The following TENM3 variants were observed in gnomAD, a reference collection of about 807,000 sequenced individuals.
TENM3 encodes the protein teneurin-3.
In TENM3, 63 loss-of-function variants were observed where a neutral mutation model predicts 255.1. The ratio of observed to expected loss-of-function variants is 0.25; its 90% CI spans 0.20 to 0.30. The LOEUF is 0.30. TENM3 is among the 10% of genes least tolerant of loss of function. The probability of loss-of-function intolerance (pLI) is 1.00; values close to 1 mark genes in which losing one functional copy is unlikely to be tolerated. For missense variants in TENM3, 2,929 were observed against 3,461.1 expected, an observed-to-expected ratio of 0.85 and a Z score of 3.86; for synonymous variants, 1,306 against 1,322.3, an observed-to-expected ratio of 0.99 and a Z score of 0.27.
chr4:182,006,487 CT>C, the TENM3 span, among the ~76,000 whole-genome samples: 1 of 152,114 alleles, frequency 6.6e-6, no homozygotes, highest in Non-Finnish European at 1.5e-5. Flanking sequence ...TTATACATTT[CT>C]TCTAGATTTT....
At chr4:182,223,828 A>T (rs1167435139) in intron 1 of TENM3, among the ~76,000 whole-genome samples, 1 of 150,178 alleles carries the variant, frequency 6.7e-6, no homozygotes, top group Non-Finnish European at 1.5e-5. Flanking sequence ...GTAAATTATT[A>T]GTACTTCTAT....
chr4:182,709,472 G>C (rs926766122), intron 12 of TENM3, among the ~76,000 whole-genome samples: 1 of 151,924 alleles, frequency 6.6e-6, no homozygotes, highest in African/African-American at 2.4e-5. Context: ...GCAATTGTTA[G>C]GTACATTAAT....
intron 3 of TENM3, among the ~76,000 whole-genome samples, chr4:182,353,975 A>T (rs1765360412): frequency 6.6e-6 from 1 of 152,098 alleles, no homozygotes; most frequent in Admixed American, 6.5e-5. Flanking sequence ...GGAAAAAAAA[A>T]AAAAAAGTTA....
At chr4:182,042,636 A>G in the TENM3 span, among the ~76,000 whole-genome samples, 1 of 152,242 alleles carries the variant, frequency 6.6e-6, no homozygotes, top group Non-Finnish European at 1.5e-5. Context: ...ATTATAAAAT[A>G]CGAATATGTA....
chr4:182,493,180 C>T (rs1288516002), intron 3 of TENM3, among the ~76,000 whole-genome samples: 1 of 152,078 alleles, frequency 6.6e-6, no homozygotes, highest in Admixed American at 6.6e-5. Context: ...CTTTGATCAT[C>T]AAGCAGTTTC....
chr4:182,271,373 G>A (rs895981548), intron 1 of TENM3, among the ~76,000 whole-genome samples: 1 of 152,112 alleles, frequency 6.6e-6, no homozygotes, highest in African/African-American at 2.4e-5. Flanking sequence ...AATTGCATAG[G>A]AAACAAAAGC....
the TENM3 span, among the ~76,000 whole-genome samples, chr4:181,538,010 T>A: frequency 2.0e-5 from 3 of 152,200 alleles, no homozygotes; most frequent in Non-Finnish European, 2.9e-5. Flanking sequence ...CTTATTGATA[T>A]ATTTGGTGAA....
the TENM3 span, among the ~76,000 whole-genome samples, chr4:182,019,799 G>A: frequency 6.6e-6 from 1 of 151,974 alleles, no homozygotes; most frequent in African/African-American, 2.4e-5. Flanking sequence ...CAAGTAGCTG[G>A]GACTACAGGC....
chr4:182,346,572 T>G, intron 2 of TENM3, 79 bp from the exon 3 acceptor site: 2 of 1,104,624 alleles, frequency 1.8e-6, no homozygotes, highest in South Asian at 1.7e-5. Context: ...TGAAAGACAT[T>G]CTTAAAAAAA....
At chr4:181,905,102 C>G in the TENM3 span, among the ~76,000 whole-genome samples, 1 of 152,324 alleles carries the variant, frequency 6.6e-6, no homozygotes, top group Non-Finnish European at 1.5e-5. Context: ...TGCCCGGTCT[C>G]AGATATGTCT....
the TENM3 span, among the ~76,000 whole-genome samples, chr4:181,668,767 C>T: frequency 8.1e-4 from 124 of 152,216 alleles, no homozygotes; most frequent in Middle Eastern, 3.4e-3. Context: ...ACAATCCAAC[C>T]CACAAGCATT....
At chr4:182,487,140 A>AGTGG (rs1734831840) in intron 3 of TENM3, among the ~76,000 whole-genome samples, 1 of 152,152 alleles carries the variant, frequency 6.6e-6, no homozygotes, top group Admixed American at 6.5e-5. Flanking sequence ...GTGAGTCACC[A>AGTGG]GAGTGTGGGA....
At chr4:181,563,650 A>C in the TENM3 span, among the ~76,000 whole-genome samples, 26,305 of 152,116 alleles carry the variant, frequency 0.17, 2,712 homozygotes, top group African/African-American at 0.27. Flanking sequence ...TTTAATCCTG[A>C]ATTTGAGATG....
the TENM3 span, among the ~76,000 whole-genome samples, chr4:181,895,199 C>G: frequency 2.0e-5 from 3 of 151,942 alleles, no homozygotes; most frequent in Non-Finnish European, 2.9e-5. Context: ...CATTCCCTGT[C>G]AGTGGAAATA....
the TENM3 span, among the ~76,000 whole-genome samples, chr4:182,115,276 T>C: frequency 9.2e-5 from 14 of 152,188 alleles, no homozygotes; most frequent in African/African-American, 3.1e-4. Flanking sequence ...AAACAATCAT[T>C]GGATGCTTGT....
At chr4:182,665,492 CATATTT>C (rs1025462183) in intron 6 of TENM3, among the ~76,000 whole-genome samples, 3 of 152,104 alleles carry the variant, frequency 2.0e-5, no homozygotes, top group African/African-American at 7.2e-5. Context: ...AATTTCAAGT[CATATTT>C]AATTTAATTT....
chr4:181,769,727 T>A, the TENM3 span, among the ~76,000 whole-genome samples: 1 of 152,214 alleles, frequency 6.6e-6, no homozygotes, highest in Non-Finnish European at 1.5e-5. Flanking sequence ...CTATTTTTAA[T>A]CATTTGTTTT....
At chr4:182,371,229 T>TCACACACACACACACACA (rs3221610) in intron 3 of TENM3, among the ~76,000 whole-genome samples, 4 of 144,218 alleles carry the variant, frequency 2.8e-5, no homozygotes, top group Non-Finnish European at 6.0e-5. Context: ...CTCCTCCCCA[T>TCACACACACACACACACA]CACACACACA....
chr4:182,621,955 G>A (rs1231158682), intron 4 of TENM3, among the ~76,000 whole-genome samples: 1 of 149,410 alleles, frequency 6.7e-6, no homozygotes, highest in Non-Finnish European at 1.5e-5. Context: ...AGCCTGAGCA[G>A]CTGGAGTAAT....
Sources: gnomAD v4.1 joint callset for allele counts (sites outside exome capture counted in the v4.1 genomes callset) on GRCh38, gnomAD v4.1.1 for gene constraint, MANE v1.5 for transcripts, NCBI Gene and HGNC (gene_info 2026-07-23, HGNC 2026-07-21) for gene names.